Variants in NAAA observed in about 807,000 individuals in gnomAD.
NAAA encodes N-acylethanolamine-hydrolyzing acid amidase.
In NAAA, 39 loss-of-function variants were observed where a neutral mutation model predicts 44.8. The ratio of observed to expected loss-of-function variants is 0.87; its 90% CI spans 0.67 to 1.14. The LOEUF is 1.14. Among genes scored for constraint, NAAA ranks in the 50% most tolerant of loss-of-function variants. NAAA has a pLI of 0.00. For synonymous variants in NAAA, 178 were observed against 191.3 expected, an observed-to-expected ratio of 0.93 and a Z score of 0.58; for missense variants, 460 against 467.8, an observed-to-expected ratio of 0.98 and a Z score of 0.15.
intron 4 of NAAA, among the ~76,000 whole-genome samples, chr4:75,926,260 C>T (rs753198165): frequency 2.6e-5 from 4 of 151,946 alleles, no homozygotes; most frequent in Non-Finnish European, 4.4e-5. Flanking sequence ...TAAAATTCTG[C>T]GCATTAAAAG....
At chr4:75,929,297 C>T (rs1727023879) in intron 4 of NAAA, among the ~76,000 whole-genome samples, 1 of 152,106 alleles carries the variant, frequency 6.6e-6, no homozygotes, top group Non-Finnish European at 1.5e-5. Context: ...CCTAGGGTGG[C>T]TTTGAGGCAT....
At chr4:75,921,595 T>C (rs369139868) in intron 5 of NAAA, among the ~76,000 whole-genome samples, 45 of 152,268 alleles carry the variant, frequency 3.0e-4, no homozygotes, top group African/African-American at 1.1e-3. Context: ...CACAGTGTAA[T>C]GAGAGTTCAC....
chr4:75,936,053 C>T, intron 3 of NAAA, 56 bp downstream of exon 3: 1 of 1,607,186 alleles, frequency 6.2e-7, no homozygotes, highest in East Asian at 2.2e-5. Flanking sequence ...CAAATGACTG[C>T]TAACTTGAGT....
chr4:75,918,650 C>A, intron 9 of NAAA, 111 bp downstream of exon 9: 1 of 1,148,582 alleles, frequency 8.7e-7, no homozygotes, highest in Non-Finnish European at 1.3e-6. Context: ...CAGGAGTGCC[C>A]CCACAGCCTG....
chr4:75,925,639 G>T, intron 5 of NAAA, 96 bp downstream of exon 5: 1 of 1,137,986 alleles, frequency 8.8e-7, no homozygotes, highest in South Asian at 1.3e-5. Context: ...TTCTTTTAAG[G>T]AGCTCCTTAC....
intron 2 of NAAA, among the ~76,000 whole-genome samples, chr4:75,939,534 A>G (rs1258283171): frequency 2.0e-5 from 3 of 149,304 alleles, no homozygotes; most frequent in Non-Finnish European, 4.5e-5. Flanking sequence ...TCCTGCCTCA[A>G]CCTCCTAAGT....
At chr4:75,925,337 G>T (rs1163456743) in intron 5 of NAAA, among the ~76,000 whole-genome samples, 1 of 152,174 alleles carries the variant, frequency 6.6e-6, no homozygotes, top group East Asian at 1.9e-4. Context: ...GCCCTGCCTG[G>T]AGCATAACTT....
At chr4:75,933,912 C>A (rs1483340912) in intron 3 of NAAA, among the ~76,000 whole-genome samples, 1 of 151,838 alleles carries the variant, frequency 6.6e-6, no homozygotes, top group African/African-American at 2.4e-5. Context: ...CTCCTATAGT[C>A]CCAGCTACTT....
rs746132295 is a variant in NAAA, at chr4:75,917,788, A to G, written c.998+973T>C. On this transcript the variant is annotated intron_variant, in intron 9 of 10. Transcript: ENST00000286733. ...GCCTGCTTTCACTTAAAAAAAAAAA[A>G]AAAAGAAAAAGAAATTAAAAAGAAT... 1.2e-4 allele frequency: 50 copies of G among 434,412 alleles called. No individual in the cohort carries two copies. The East Asian group carries it at 2.1e-3, about 19-fold the overall frequency. 26.9% of individuals were successfully genotyped at this position (434,412 alleles called of 1,614,324 possible). A position where few individuals can be genotyped will look rare whatever the true frequency, so the allele number is the denominator to read the frequency against.
At chr4:75,938,895 T>A (rs568865500) in intron 2 of NAAA, among the ~76,000 whole-genome samples, 1 of 152,334 alleles carries the variant, frequency 6.6e-6, no homozygotes, top group East Asian at 1.9e-4. Context: ...TCGCCCAGGC[T>A]GCAGAGTGCA....
chr4:75,918,847 GA>G, intron 8 of NAAA, 58 bp from the exon 9 acceptor site: 1 of 1,511,922 alleles, frequency 6.6e-7, no homozygotes. Context: ...AATACACATA[GA>G]ATATCTATGG....
chr4:75,918,677 G>T, intron 9 of NAAA, 84 bp downstream of exon 9: 1 of 1,461,100 alleles, frequency 6.8e-7, no homozygotes, highest in South Asian at 1.1e-5. Flanking sequence ...GGAGCCCTCA[G>T]ATCCTTGCTG....
intron 9 of NAAA, among the ~76,000 whole-genome samples, chr4:75,918,184 T>G (rs1362742780): frequency 6.6e-6 from 1 of 152,206 alleles, no homozygotes; most frequent in African/African-American, 2.4e-5. Context: ...CCGGGCGCAG[T>G]GGCTCACTCC....
At chr4:75,930,921 A>G (rs1429002481) in intron 4 of NAAA, among the ~76,000 whole-genome samples, 1 of 152,162 alleles carries the variant, frequency 6.6e-6, no homozygotes, top group Non-Finnish European at 1.5e-5. Context: ...CTTCTGCAGA[A>G]CTAGCTCCCG....
At position 75,940,057 on chromosome 4, in the gene NAAA, G is replaced by T. The variant is rs766782168; in HGVS notation, c.315C>A (p.Phe105Leu). 6.2e-7 allele frequency: 1 copy of T among 1,614,156 alleles called. No homozygotes were observed. Among genetic ancestry groups the T allele is most frequent in the Non-Finnish European group, 8.5e-7 (1 of 1,180,042 alleles). ...FTGEIRGMCDFMNLSLADCLL... is the reference protein window; with the variant it reads ...FTGEIRGMCDLMNLSLADCLL... ...GGCAGTCCGCCAGGCTGAGGTTCAT[G>T]AAGTCACACATGCCGCGGATCTCGC... Residue 105 changes from phenylalanine to leucine, a missense_variant, in exon 2 of 11, where the codon TTC becomes TTA. Coordinates refer to ENST00000286733, the MANE Select transcript of NAAA (RefSeq NM_014435.4).
chr4:75,912,351 G>A (rs572902197), downstream of NAAA, among the ~76,000 whole-genome samples: 3 of 152,024 alleles, frequency 2.0e-5, no homozygotes, highest in Non-Finnish European at 4.4e-5. Flanking sequence ...TCAGGAGTTC[G>A]AGACCAGCCT....
intron 3 of NAAA, chr4:75,935,846 T>C (rs1727656686): frequency 3.7e-6 from 2 of 542,922 alleles, no homozygotes; most frequent in Non-Finnish European, 3.2e-6. Context: ...CATAAGTGGA[T>C]GATTGATCAC....
Position 75,939,966 on chromosome 4 carries a change from CCCCGCGTTACTCCGCGCGGG to C in NAAA, c.371+15_371+34del, listed in dbSNP as rs1560523427. On this transcript the variant is annotated intron_variant, in intron 2 of 10. Transcript: ENST00000286733. ...AGTCTGTGTCGGGGGCCCCCGCAAG[CCCCGCGTTACTCCGCGCGGG>C]CTTGGGGCACTCACACGGAGGACTC... is the stretch of plus-strand genomic sequence containing the variant. The C allele has an allele frequency of 6.2e-7, 1 of 1,608,590 alleles. No homozygotes were observed. The highest frequency in any genetic ancestry group is 8.5e-7 in the Non-Finnish European group (1 of 1,176,262).
In NAAA at chr4:75,918,764, T is replaced by G; in HGVS notation, c.995A>C (p.Asn332Thr). 1 of 1,613,288 alleles carries G rather than the reference T, an allele frequency of 6.2e-7. No homozygotes were observed. The highest frequency in any genetic ancestry group is 1.1e-5 in the South Asian group (1 of 91,066). The stretch of plus-strand genomic sequence containing the variant: ...ACATGTTTAACAAGCCACTTACTTG[T>G]TATAAACTGGAACCACCGACAAAAT... ...FQILSVVPVY[N>T]NFTIYTTVMS... The change falls in exon 9 of 11, where the codon AAC becomes ACC. Residue 332 changes from asparagine (N) to threonine (T), a missense_variant. Asn to Thr is a moderately conservative substitution (Grantham distance 65). Coordinates refer to ENST00000286733, the MANE Select transcript of NAAA (RefSeq NM_014435.4).
Sources: allele counts gnomAD v4.1 joint callset (sites outside exome capture counted in the v4.1 genomes callset), GRCh38; gene constraint gnomAD v4.1.1; transcripts MANE v1.5; gene names NCBI Gene and HGNC (gene_info 2026-07-23, HGNC 2026-07-21).